The following PSME3IP1 variants were observed in gnomAD, a reference collection of about 807,000 sequenced individuals.
PSME3IP1 encodes the protein proteasome activator subunit 3 interacting protein 1.
Under a neutral mutation model 34.1 loss-of-function variants are expected in PSME3IP1, and 13 were observed. The observed-to-expected ratio is 0.38, with a 90% CI of 0.25 to 0.61. The LOEUF is 0.61. Among genes scored for constraint, PSME3IP1 ranks in the 20% least tolerant of loss-of-function variants. PSME3IP1 has a pLI of 0.60. For synonymous variants in PSME3IP1, 93 were observed against 114.3 expected, an observed-to-expected ratio of 0.81 and a Z score of 1.19; for missense variants, 237 against 301.4, an observed-to-expected ratio of 0.79 and a Z score of 1.58.
intron 6 of PSME3IP1, among the ~76,000 whole-genome samples, chr16:57,163,070 C>G (rs577196508): frequency 3.2e-4 from 49 of 152,138 alleles, no homozygotes; most frequent in African/African-American, 9.6e-4. Flanking sequence ...GAGGGTGAGG[C>G]AGGAGAATTA....
chr16:57,167,891 A>G (rs2072082502), intron 4 of PSME3IP1, among the ~76,000 whole-genome samples: 1 of 152,244 alleles, frequency 6.6e-6, no homozygotes, highest in African/African-American at 2.4e-5. Context: ...GTGCATATAT[A>G]CAAGAACTGA....
intron 1 of PSME3IP1, chr16:57,175,016 CT>C (rs112132263): frequency 0.032 from 4,422 of 139,292 alleles, 172 homozygotes; most frequent in African/African-American, 0.1. Context: ...CTTATTACTC[CT>C]TTTTTTTTTT....
intron 1 of PSME3IP1, among the ~76,000 whole-genome samples, chr16:57,183,802 A>C (rs1212716693): frequency 6.6e-6 from 1 of 152,230 alleles, no homozygotes; most frequent in Non-Finnish European, 1.5e-5. Context: ...AACAGAAACA[A>C]GTTCAAGCCA....
At chr16:57,176,297 C>T (rs1465377047) in intron 1 of PSME3IP1, among the ~76,000 whole-genome samples, 1 of 152,198 alleles carries the variant, frequency 6.6e-6, no homozygotes, top group Non-Finnish European at 1.5e-5. Flanking sequence ...CTTTCTCATC[C>T]TGTATTAATC....
Position 57,173,712 on chromosome 16 carries a change from G to A in PSME3IP1, c.127+16C>T. On this transcript the variant is annotated intron_variant, in intron 2 of 6. Coordinates refer to ENST00000309137, the MANE Select transcript of PSME3IP1 (RefSeq NM_024946.4). ...TGTGTGGATTAAAGACCATTATACT[G>A]ACTGTCACAGTATACCTTCTGGATC... 6.2e-7 allele frequency: 1 copy of A among 1,613,150 alleles called. No homozygotes were observed. Among genetic ancestry groups the A allele is most frequent in the Non-Finnish European group, 8.5e-7 (1 of 1,179,838 alleles).
At chr16:57,161,089 A>T (rs1251348034) in intron 6 of PSME3IP1, among the ~76,000 whole-genome samples, 1 of 152,270 alleles carries the variant, frequency 6.6e-6, no homozygotes, top group African/African-American at 2.4e-5. Flanking sequence ...AACATTGCCA[A>T]ATTAATCTAC....
chr16:57,156,627 A>AC lies in PSME3IP1; in HGVS notation c.548-2121dup, dbSNP rs1408397972. On this transcript the variant is annotated intron_variant, in intron 6 of 6. Transcript: ENST00000309137. ...GTGGCTACAGAGATAGAGCAAGGCT[A>AC]CAAAAAAAAGGCAGGAGCAAATACT... is the stretch of plus-strand genomic sequence containing the variant. Among the ~76,000 whole-genome samples, 3 of 152,238 alleles carry AC rather than the reference A, an allele frequency of 2.0e-5. No individual in the cohort carries two copies. In the East Asian group the frequency reaches 5.8e-4, roughly 29 times the overall value.
chr16:57,154,838 G>T lies in PSME3IP1; in HGVS notation c.548-331C>A, dbSNP rs1030700710. Among the ~76,000 whole-genome samples the T allele has an allele frequency of 6.6e-6, 1 of 152,178 alleles. No homozygotes were observed. Among genetic ancestry groups the T allele is most frequent in the Non-Finnish European group, 1.5e-5 (1 of 68,032 alleles). Reference sequence around the variant, plus strand: ...GCTACTCTGGAGTGTAGCCTAGAGTGCTTTGATTTCCCTGTGCTCACACAG... The same window carrying T: ...GCTACTCTGGAGTGTAGCCTAGAGTTCTTTGATTTCCCTGTGCTCACACAG... On this transcript the variant is annotated intron_variant, in intron 6 of 6. Transcript: ENST00000309137. This position sits in a 1 kb window ranked among gnomAD's most constrained non-coding sequence, Gnocchi z 4.0.
At chr16:57,163,938 C>T in intron 6 of PSME3IP1, 63 bp downstream of exon 6, 3 of 1,463,290 alleles carry the variant, frequency 2.1e-6, no homozygotes, top group Non-Finnish European at 2.9e-6. Flanking sequence ...CAATGCATTA[C>T]AGCCCTTTAC....
intron 6 of PSME3IP1, among the ~76,000 whole-genome samples, chr16:57,155,041 A>T (rs896439927): frequency 2.6e-5 from 4 of 152,268 alleles, no homozygotes; most frequent in Non-Finnish European, 2.9e-5. Context: ...TAAACATTTT[A>T]AAAAATCGGG....
At chr16:57,183,884 C>A (rs745724240) in intron 1 of PSME3IP1, among the ~76,000 whole-genome samples, 1 of 152,140 alleles carries the variant, frequency 6.6e-6, no homozygotes, top group Non-Finnish European at 1.5e-5. Context: ...AAAAGAACTA[C>A]AGCTTCAAAG....
intron 4 of PSME3IP1, among the ~76,000 whole-genome samples, chr16:57,167,852 A>C (rs2072078889): frequency 6.6e-6 from 1 of 152,224 alleles, no homozygotes; most frequent in African/African-American, 2.4e-5. Context: ...GCCAAGAAAC[A>C]ATCAAAGGTG....
chr16:57,182,046 G>T (rs1241584705), intron 1 of PSME3IP1, among the ~76,000 whole-genome samples: 2 of 152,164 alleles, frequency 1.3e-5, no homozygotes, highest in Non-Finnish European at 2.9e-5. Context: ...TTGGTTGAAG[G>T]TCCCAACCCT....
At chr16:57,166,561 C>T (rs2071896424) in intron 5 of PSME3IP1, among the ~76,000 whole-genome samples, 1 of 152,154 alleles carries the variant, frequency 6.6e-6, no homozygotes, top group East Asian at 1.9e-4. Context: ...CCCCAACCTC[C>T]CCAACATGAA....
At chr16:57,160,748 C>A (rs1313785909) in intron 6 of PSME3IP1, among the ~76,000 whole-genome samples, 1 of 152,178 alleles carries the variant, frequency 6.6e-6, no homozygotes, top group Non-Finnish European at 1.5e-5. Context: ...TCCCAAGGTA[C>A]AATAACTGCT....
chr16:57,164,162 G>T (rs970980059), intron 5 of PSME3IP1, 97 bp from the exon 6 acceptor site: 2 of 1,000,200 alleles, frequency 2.0e-6, no homozygotes, highest in Non-Finnish European at 1.6e-6. Context: ...TGGGTCTTAG[G>T]CAGTCTCAAG....
intron 4 of PSME3IP1, among the ~76,000 whole-genome samples, chr16:57,168,633 C>T (rs917565587): frequency 1.3e-5 from 2 of 151,722 alleles, no homozygotes; most frequent in Non-Finnish European, 2.9e-5. Flanking sequence ...GAAACCCTGT[C>T]TCTACTAAAA....
intron 5 of PSME3IP1, among the ~76,000 whole-genome samples, 174 bp downstream of exon 5, chr16:57,166,919 G>A (rs904361134): frequency 2.0e-5 from 3 of 152,208 alleles, no homozygotes; most frequent in Non-Finnish European, 4.4e-5. Flanking sequence ...TCAGAGAGAC[G>A]AGGGTCAAAG....
chr16:57,176,296 C>T (rs1188540048), intron 1 of PSME3IP1, among the ~76,000 whole-genome samples: 1 of 152,184 alleles, frequency 6.6e-6, no homozygotes, highest in East Asian at 1.9e-4. Flanking sequence ...CCTTTCTCAT[C>T]CTGTATTAAT....
Sources: gnomAD v4.1 joint callset for allele counts (sites outside exome capture counted in the v4.1 genomes callset) on GRCh38, gnomAD v4.1.1 for gene constraint, Gnocchi (gnomAD v3.1) non-coding constraint, MANE v1.5 for transcripts, NCBI Gene and HGNC (gene_info 2026-07-23, HGNC 2026-07-21) for gene names.